The following PCDH15 variants were observed in gnomAD, a reference collection of about 807,000 sequenced individuals.
PCDH15 encodes protocadherin related 15.
Under a neutral mutation model 178.5 loss-of-function variants are expected in PCDH15, and 129 were observed. The ratio of observed to expected loss-of-function variants is 0.72; its 90% CI spans 0.63 to 0.84. The LOEUF is 0.84. Ranked by LOEUF, PCDH15 falls within the 40% of genes least tolerant of loss-of-function variation. The pLI is 0.00. For missense variants in PCDH15, 2,230 were observed against 2,099.9 expected, an observed-to-expected ratio of 1.06 and a Z score of -1.21; for synonymous variants, 800 against 732.0, an observed-to-expected ratio of 1.09 and a Z score of -1.50.
chr10:55,523,934 T>A (rs1841244248), intron 2 of PCDH15, among the ~76,000 whole-genome samples: 1 of 151,630 alleles, frequency 6.6e-6, no homozygotes, highest in Non-Finnish European at 1.5e-5. Flanking sequence ...CACATTCTTT[T>A]CACTATACCC....
intron 1 of PCDH15, among the ~76,000 whole-genome samples, chr10:55,241,651 G>A (rs1337328642): frequency 1.3e-5 from 2 of 152,054 alleles, no homozygotes; most frequent in African/African-American, 4.8e-5. Context: ...TCAAACTCCA[G>A]GGCTCAAGCA....
chr10:54,869,504 T>G (rs1238324224), intron 3 of PCDH15, among the ~76,000 whole-genome samples: 1 of 152,196 alleles, frequency 6.6e-6, no homozygotes, highest in Non-Finnish European at 1.5e-5. Flanking sequence ...ATGTAGAGAA[T>G]AGGGGTTAAC....
At chr10:55,113,648 T>C (rs1168909310) in intron 2 of PCDH15, among the ~76,000 whole-genome samples, 2 of 152,184 alleles carry the variant, frequency 1.3e-5, no homozygotes, top group African/African-American at 4.8e-5. Flanking sequence ...CTTATCTAAT[T>C]ATATGCATGC....
Position 53,915,484 on chromosome 10 carries a change from G to C in PCDH15, c.3374-12114C>G, listed in dbSNP as rs981241223. ...TGCTTGTATCTAGAAGAAATATTTT[G>C]TGTATGTGTTTGGCTGATAGGTTAA... is the stretch of plus-strand genomic sequence containing the variant. On this transcript the variant is annotated intron_variant, in intron 25 of 37. Transcript: ENST00000644397. 2.0e-5 allele frequency among the ~76,000 whole-genome samples: 3 copies of C among 152,166 alleles called. No homozygotes were observed. The South Asian group carries it at 6.2e-4, about 31-fold the overall frequency.
chr10:54,409,657 T>G (rs932500654), intron 3 of PCDH15, among the ~76,000 whole-genome samples: 3 of 152,174 alleles, frequency 2.0e-5, no homozygotes, highest in African/African-American at 7.2e-5. Context: ...TCTTCTCATC[T>G]GTTATGACTT....
intron 2 of PCDH15, among the ~76,000 whole-genome samples, chr10:54,910,259 C>G (rs951309289): frequency 2.6e-4 from 39 of 152,288 alleles, no homozygotes; most frequent in African/African-American, 7.2e-4. Context: ...ATACCTTCTT[C>G]TGTCATCAAG....
At chr10:55,508,551 G>A (rs1840811125) in intron 2 of PCDH15, among the ~76,000 whole-genome samples, 1 of 151,678 alleles carries the variant, frequency 6.6e-6, no homozygotes, top group Non-Finnish European at 1.5e-5. Context: ...GTATAAACCT[G>A]CAGATGAGAT....
chr10:53,916,614 G>A (rs568272911), intron 25 of PCDH15, among the ~76,000 whole-genome samples: 1 of 152,192 alleles, frequency 6.6e-6, no homozygotes, highest in South Asian at 2.1e-4. Flanking sequence ...GATATTACAG[G>A]ACTATAATGA....
intron 1 of PCDH15, among the ~76,000 whole-genome samples, chr10:55,307,392 A>C (rs1003068719): frequency 2.6e-5 from 4 of 151,500 alleles, no homozygotes; most frequent in African/African-American, 7.3e-5. Context: ...AATCCCAGCT[A>C]CTCGGGAGGC....
chr10:53,958,538 C>T (rs1291140398), intron 23 of PCDH15, among the ~76,000 whole-genome samples: 1 of 152,038 alleles, frequency 6.6e-6, no homozygotes, highest in Admixed American at 6.6e-5. Context: ...TCCAGAGATA[C>T]CAGAGAGCTT....
At chr10:54,254,138 C>T (rs959751439) in intron 8 of PCDH15, among the ~76,000 whole-genome samples, 1 of 151,988 alleles carries the variant, frequency 6.6e-6, no homozygotes, top group Non-Finnish European at 1.5e-5. Flanking sequence ...CTATCTGTTT[C>T]TTGGTATTTA....
intron 1 of PCDH15, among the ~76,000 whole-genome samples, chr10:55,201,715 T>C (rs1282668905): frequency 6.6e-6 from 1 of 152,214 alleles, no homozygotes; most frequent in African/African-American, 2.4e-5. Context: ...GATTATCAGA[T>C]GAGTTATTCA....
At chr10:55,387,470 A>C (rs1370626561) in intron 2 of PCDH15, among the ~76,000 whole-genome samples, 1 of 152,130 alleles carries the variant, frequency 6.6e-6, no homozygotes, top group Non-Finnish European at 1.5e-5. Context: ...GAACACATTA[A>C]TAACATATCC....
chr10:55,308,532 A>G (rs16907231), intron 1 of PCDH15, among the ~76,000 whole-genome samples: 30,702 of 152,120 alleles, frequency 0.2, 4,858 homozygotes, highest in African/African-American at 0.44. Context: ...TCTATCTGAA[A>G]TCATTTTCTA....
intron 2 of PCDH15, among the ~76,000 whole-genome samples, chr10:54,583,538 T>C (rs1228018611): frequency 3.3e-5 from 5 of 152,024 alleles, no homozygotes; most frequent in Non-Finnish European, 7.4e-5. Context: ...AATGCTTTTA[T>C]TTTTGACCTA....
At chr10:54,683,263 G>A (rs2094932012) in intron 1 of PCDH15, among the ~76,000 whole-genome samples, 1 of 151,780 alleles carries the variant, frequency 6.6e-6, no homozygotes, top group African/African-American at 2.4e-5. Context: ...TCACATTGTT[G>A]TGTAGCCATC....
At chr10:55,037,417 A>ACCATGGGT (rs1840765080) in intron 2 of PCDH15, among the ~76,000 whole-genome samples, 2 of 152,010 alleles carry the variant, frequency 1.3e-5, no homozygotes, top group African/African-American at 4.8e-5. Flanking sequence ...TAGTTTTAGG[A>ACCATGGGT]GAGACAGGGT....
At chr10:55,495,586 A>C (rs2132132953) in intron 2 of PCDH15, among the ~76,000 whole-genome samples, 1 of 151,990 alleles carries the variant, frequency 6.6e-6, no homozygotes, top group Non-Finnish European at 1.5e-5. Flanking sequence ...ATTCAAAAGC[A>C]CATAATAACT....
At chr10:54,033,720 T>A (rs914834023) in intron 18 of PCDH15, among the ~76,000 whole-genome samples, 2 of 152,120 alleles carry the variant, frequency 1.3e-5, no homozygotes, top group Admixed American at 6.6e-5. Context: ...ATGCTTACAT[T>A]TTCTGCCAAG....
Sources: allele counts gnomAD v4.1 joint callset (sites outside exome capture counted in the v4.1 genomes callset), GRCh38; gene constraint gnomAD v4.1.1; transcripts MANE v1.5; gene names NCBI Gene and HGNC (gene_info 2026-07-23, HGNC 2026-07-21).